Variants in MYO16 observed in about 807,000 individuals in gnomAD.
MYO16 encodes myosin XVI.
Under a neutral mutation model 205.3 loss-of-function variants are expected in MYO16, and 94 were observed. The observed-to-expected ratio is 0.46, with a 90% CI of 0.39 to 0.54. MYO16 has a LOEUF of 0.54. MYO16 is among the 20% of genes least tolerant of loss of function. The probability of loss-of-function intolerance (pLI) is 0.00; values close to 1 mark genes in which losing one functional copy is unlikely to be tolerated. For synonymous variants in MYO16, 988 were observed against 954.0 expected (o/e 1.04, Z -0.66); for missense variants, 2,315 against 2,387.5 (o/e 0.97, Z 0.63).
intron 4 of MYO16, among the ~76,000 whole-genome samples, chr13:108,780,576 A>G (rs559056632): frequency 3.2e-4 from 48 of 152,350 alleles, no homozygotes; most frequent in South Asian, 6.2e-4. Flanking sequence ...TTTTGTAACT[A>G]TATAAACCCT....
chr13:108,949,820 C>CAA lies in MYO16; in HGVS notation c.1926-7867_1926-7866insAA, dbSNP rs201926932. On this transcript the variant is annotated intron_variant, in intron 16 of 34. Coordinates refer to ENST00000457511, the MANE Select transcript of MYO16 (RefSeq NM_001198950.3). ...AGACATTATGGTATTGGTAGACAGACAGACACAAAGATCAAAGGAAGAGAA... is the reference window on the plus strand; with the variant it reads ...AGACATTATGGTATTGGTAGACAGACAAAGACACAAAGATCAAAGGAAGAGAA... Among the ~76,000 whole-genome samples the CAA allele has an allele frequency of 6.6e-3, 1,010 of 152,152 alleles. 9 individuals carry two copies. The highest frequency in any genetic ancestry group is 0.023 in the African/African-American group (971 of 41,518).
chr13:108,913,433 G>A (rs1481203748), intron 16 of MYO16, among the ~76,000 whole-genome samples: 1 of 152,064 alleles, frequency 6.6e-6, no homozygotes. Context: ...TTGCAATGTC[G>A]GTTGGGTTTG....
intron 22 of MYO16, among the ~76,000 whole-genome samples, chr13:109,015,798 A>G (rs979140307): frequency 3.3e-5 from 5 of 152,158 alleles, no homozygotes; most frequent in Non-Finnish European, 7.4e-5. Flanking sequence ...CTGTGGGATA[A>G]GTGGTAATAT....
At chr13:109,030,300 C>T (rs1886508522) in intron 23 of MYO16, among the ~76,000 whole-genome samples, 1 of 152,048 alleles carries the variant, frequency 6.6e-6, no homozygotes, top group Non-Finnish European at 1.5e-5. Context: ...TTTCAGCAAA[C>T]CTCAGATAGA....
chr13:108,763,619 G>GA (rs773060215), intron 4 of MYO16, among the ~76,000 whole-genome samples: 75 of 152,258 alleles, frequency 4.9e-4, no homozygotes, highest in Non-Finnish European at 8.4e-4. Flanking sequence ...AGATGGGAGG[G>GA]ATGGTGCAGT....
chr13:108,760,034 C>G (rs1490677704), intron 4 of MYO16, among the ~76,000 whole-genome samples: 1 of 152,122 alleles, frequency 6.6e-6, no homozygotes, highest in African/African-American at 2.4e-5. Context: ...TATCTGTCAC[C>G]TCAAACATTT....
At chr13:109,087,828 A>G (rs157034) in intron 27 of MYO16, among the ~76,000 whole-genome samples, 5,350 of 152,324 alleles carry the variant, frequency 0.035, 307 homozygotes, top group African/African-American at 0.12. Flanking sequence ...TATTTGATTA[A>G]GGAGCAAATT....
the MYO16 span, among the ~76,000 whole-genome samples, chr13:108,583,239 G>A: frequency 2.6e-5 from 4 of 151,966 alleles, no homozygotes; most frequent in Admixed American, 6.6e-5. Context: ...TTTGATTAAC[G>A]AAGGCACTCA....
chr13:108,779,567 C>T (rs1301341423), intron 4 of MYO16: 2 of 152,276 alleles, frequency 1.3e-5, no homozygotes, highest in East Asian at 3.9e-4. Flanking sequence ...GTGGCTCAGG[C>T]CTAGGCTGCA....
At chr13:108,519,645 A>C in the MYO16 span, among the ~76,000 whole-genome samples, 1 of 148,836 alleles carries the variant, frequency 6.7e-6, no homozygotes, top group Admixed American at 6.7e-5. Context: ...ACACACACAC[A>C]CACCCACACA....
At chr13:109,178,460 T>C (rs1157019144) in intron 33 of MYO16, among the ~76,000 whole-genome samples, 1 of 152,202 alleles carries the variant, frequency 6.6e-6, no homozygotes, top group African/African-American at 2.4e-5. Context: ...GTGCACTGAT[T>C]GTCTAATGAT....
chr13:109,047,280 G>T (rs903066061), intron 24 of MYO16, among the ~76,000 whole-genome samples: 2 of 152,122 alleles, frequency 1.3e-5, no homozygotes, highest in Admixed American at 6.6e-5. Flanking sequence ...GCTTTTCTGT[G>T]AAGACTAATG....
In MYO16 at chr13:108,780,995, T is replaced by C. The variant is rs567780546; in HGVS notation, c.508-4640T>C. 1.7e-3 allele frequency among the ~76,000 whole-genome samples: 259 copies of C among 152,354 alleles called. 1 individual carries two copies. The highest frequency in any genetic ancestry group is 3.0e-3 in the Non-Finnish European group (203 of 68,042). ...GCAGAATTTCTCTAAAAGAGCCTGA[T>C]GACTTCTTTAAGCACAGACAATATT... On this transcript the variant is annotated intron_variant, in intron 4 of 34. Transcript: ENST00000457511.
In MYO16 at chr13:108,982,817, A is replaced by G. The variant is rs144813867; in HGVS notation, c.2370-9559A>G. ...TTTTGATCTTAAGACCTATGAGTCT[A>G]TAATTCCTAGTTAGGATAAGTTTGA... is the stretch of plus-strand genomic sequence containing the variant. On this transcript the variant is annotated intron_variant, in intron 20 of 34. Transcript: ENST00000457511. 2.8e-3 allele frequency among the ~76,000 whole-genome samples: 420 copies of G among 152,280 alleles called. 3 individuals carry two copies. Among genetic ancestry groups the G allele is most frequent in the African/African-American group, 9.6e-3 (399 of 41,548 alleles).
At chr13:109,013,725 A>C (rs1266382382) in intron 22 of MYO16, among the ~76,000 whole-genome samples, 1 of 152,222 alleles carries the variant, frequency 6.6e-6, no homozygotes, top group Non-Finnish European at 1.5e-5. Flanking sequence ...AGTGGTGATG[A>C]GCATTTTTTC....
At chr13:108,665,511 T>C (rs549465662) in intron 1 of MYO16, among the ~76,000 whole-genome samples, 6 of 152,306 alleles carry the variant, frequency 3.9e-5, no homozygotes, top group African/African-American at 1.2e-4. Flanking sequence ...TTTGGAATGA[T>C]TTTATGCCAA....
At chr13:108,532,773 A>G in the MYO16 span, among the ~76,000 whole-genome samples, 1 of 152,142 alleles carries the variant, frequency 6.6e-6, no homozygotes, top group Non-Finnish European at 1.5e-5. Context: ...ACTGGATGAT[A>G]GAGCAAGGCC....
At position 109,047,127 on chromosome 13, in the gene MYO16, A is replaced by G; in HGVS notation, c.2872+136A>G. ...AAATGCCTTTTGCATTCTAATGCCC[A>G]GACTAATGAGAAATGGGTCTTGCTG... is the stretch of plus-strand genomic sequence containing the variant. On this transcript the variant is annotated intron_variant, in intron 24 of 34. Transcript: ENST00000457511. 4 of 642,434 alleles carry G rather than the reference A, an allele frequency of 6.2e-6. No individual in the cohort carries two copies. In the South Asian group the frequency reaches 8.3e-5, roughly 13 times the overall value. 39.8% of individuals were successfully genotyped at this position (642,434 alleles called of 1,614,324 possible). A position where few individuals can be genotyped will look rare whatever the true frequency, so the allele number is the denominator to read the frequency against.
intron 24 of MYO16, among the ~76,000 whole-genome samples, chr13:109,049,925 CCTGTGTGTGTGTGTGTGTGTGTGTGT>C (rs1887187929): frequency 8.8e-6 from 1 of 113,334 alleles, no homozygotes; most frequent in Non-Finnish European, 1.9e-5. Context: ...CTTCCTTTGT[CCTGTGTGTGTGTGTGTGTGTGTGTGT>C]GTGTGTGTGT....
Sources: gnomAD v4.1 joint callset for allele counts (sites outside exome capture counted in the v4.1 genomes callset) on GRCh38, gnomAD v4.1.1 for gene constraint, MANE v1.5 for transcripts, NCBI Gene and HGNC (gene_info 2026-07-23, HGNC 2026-07-21) for gene names.